Variants in ZFHX3 observed in about 807,000 individuals in gnomAD.
ZFHX3 encodes the protein zinc finger homeobox 3, also known as zinc finger homeobox protein 3.
Under a neutral mutation model 279.1 loss-of-function variants are expected in ZFHX3, and 42 were observed. The ratio of observed to expected loss-of-function variants is 0.15; its 90% CI spans 0.12 to 0.19. The LOEUF is 0.19. ZFHX3 is among the 10% of genes least tolerant of loss of function. ZFHX3 has a pLI of 1.00. For synonymous variants in ZFHX3, 2,293 were observed against 1,957.8 expected, an observed-to-expected ratio of 1.17 and a Z score of -4.52; for missense variants, 4,981 against 4,754.0, an observed-to-expected ratio of 1.05 and a Z score of -1.40.
upstream of ZFHX3, among the ~76,000 whole-genome samples, chr16:73,048,982 G>A (rs1050901073): frequency 1.3e-5 from 2 of 152,156 alleles, no homozygotes; most frequent in Admixed American, 1.3e-4. Flanking sequence ...AGCAAAGATC[G>A]TGCCCTTTCC....
chr16:73,298,039 C>A (rs1002365315), intron 4 of ZFHX3, among the ~76,000 whole-genome samples: 1 of 151,132 alleles, frequency 6.6e-6, no homozygotes, highest in African/African-American at 2.4e-5. Context: ...AAATAAATAA[C>A]AATTAGCCAG....
intron 3 of ZFHX3, among the ~76,000 whole-genome samples, chr16:72,926,256 C>G (rs1216362093): frequency 2.6e-5 from 4 of 152,140 alleles, no homozygotes; most frequent in Admixed American, 2.0e-4. Flanking sequence ...CCCATAGTAA[C>G]CAACTAAACA....
chr16:73,876,086 C>T (rs1198774905), intron 1 of ZFHX3, among the ~76,000 whole-genome samples: 1 of 152,116 alleles, frequency 6.6e-6, no homozygotes, highest in Non-Finnish European at 1.5e-5. Context: ...TTAAAAGGAG[C>T]TAAAGCCACA....
intron 2 of ZFHX3, among the ~76,000 whole-genome samples, chr16:73,674,209 T>C (rs1454760774): frequency 6.6e-6 from 1 of 151,848 alleles, no homozygotes; most frequent in African/African-American, 2.4e-5. Flanking sequence ...AAGTGTAAAA[T>C]AGACGTCACT....
At chr16:73,682,964 A>AAG (rs2053037618) in intron 1 of ZFHX3, among the ~76,000 whole-genome samples, 2 of 28,858 alleles carry the variant, frequency 6.9e-5, no homozygotes, top group East Asian at 3.2e-3. Context: ...GAAAGAAAGA[A>AAG]AGAAAGAAAG....
At chr16:72,942,474 C>T (rs2144351983) in intron 3 of ZFHX3, among the ~76,000 whole-genome samples, 1 of 152,188 alleles carries the variant, frequency 6.6e-6, no homozygotes, top group Non-Finnish European at 1.5e-5. Flanking sequence ...ATAAGAAGGT[C>T]CAGGGCTTTC....
In ZFHX3 at chr16:73,440,322, C is replaced by T. The variant is rs185151875; in HGVS notation, c.-1291+15681G>A. Among the ~76,000 whole-genome samples, 138 of 152,226 alleles carry T rather than the reference C, an allele frequency of 9.1e-4. 1 individual carries two copies. Among genetic ancestry groups the T allele is most frequent in the African/African-American group, 3.3e-3 (136 of 41,514 alleles). ...CAACATCCAGACAAACGAGTGTGTCCAAGAGGCATTTGAGTCCATGGGTGA... is the reference window on the plus strand; with the variant it reads ...CAACATCCAGACAAACGAGTGTGTCTAAGAGGCATTTGAGTCCATGGGTGA... On this transcript the variant is annotated intron_variant, in intron 3 of 17. Coordinates refer to the ZFHX3 transcript ENST00000641206.
At chr16:73,478,307 C>T (rs57990484) in intron 2 of ZFHX3, among the ~76,000 whole-genome samples, 2 of 150,282 alleles carry the variant, frequency 1.3e-5, no homozygotes, top group Non-Finnish European at 3.0e-5. Context: ...GTACTAAAAG[C>T]CATATGACAT....
At chr16:73,427,009 A>G (rs2017822044) in intron 3 of ZFHX3, among the ~76,000 whole-genome samples, 1 of 152,160 alleles carries the variant, frequency 6.6e-6, no homozygotes, top group Non-Finnish European at 1.5e-5. Flanking sequence ...TGACGATGCC[A>G]TTTTTAAAAT....
At chr16:73,783,581 A>G (rs914698210) in intron 1 of ZFHX3, among the ~76,000 whole-genome samples, 18 of 152,208 alleles carry the variant, frequency 1.2e-4, no homozygotes, top group African/African-American at 4.1e-4. Context: ...AAAGTTTCCC[A>G]TTTTATTCTA....
rs761305800 is a variant in ZFHX3, at chr16:72,797,772, T to C, written c.4910A>G (p.Asn1637Ser). The C allele has an allele frequency of 9.3e-6, 15 of 1,614,014 alleles. No individual in the cohort carries two copies. The highest frequency in any genetic ancestry group is 8.0e-5 in the African/African-American group (6 of 74,924). Residue 1637 changes from asparagine to serine, a missense_variant, in exon 9 of 10, where the codon AAT (asparagine) becomes AGT (serine). Physicochemically the swap from Asn to Ser is conservative, Grantham distance 46 (BLOSUM62 1). Around this residue, in one of 7 missense-constraint regions of ZFHX3, gnomAD observed 1,751 missense variants for 1,770.0 expected, o/e 0.99. Transcript: ENST00000268489. ...AKLEAASGSSNGTGNSSSISL... is the reference protein window; with the variant it reads ...AKLEAASGSSSGTGNSSSISL... ...AATACTGCTGCTGTTCCCAGTCCCA[T>C]TGCTGCTGCCACTTGCAGCCTCCAG...
At chr16:73,750,524 T>A (rs2053752465) in intron 1 of ZFHX3, among the ~76,000 whole-genome samples, 1 of 152,198 alleles carries the variant, frequency 6.6e-6, no homozygotes, top group African/African-American at 2.4e-5. Flanking sequence ...AATGAGGCAC[T>A]GGTTGAAAAA....
chr16:73,324,425 A>G (rs1022644534), intron 3 of ZFHX3, among the ~76,000 whole-genome samples: 1 of 152,226 alleles, frequency 6.6e-6, no homozygotes, highest in African/African-American at 2.4e-5. Context: ...GAAGGGCTGT[A>G]CTGCCCAGCT....
At position 72,797,694 on chromosome 16, in the gene ZFHX3, A is replaced by G; in HGVS notation, c.4988T>C (p.Phe1663Ser). 6.2e-7 allele frequency: 1 copy of G among 1,614,092 alleles called. No individual in the cohort carries two copies. The highest frequency in any genetic ancestry group is 8.5e-7 in the Non-Finnish European group (1 of 1,180,008). ...AGCACTGCTTGGATTGGAGGTGGTA[A>G]AGGTGTTACTGCCACTGGTGCTCAC... ...SPVSTSGSNT[F>S]TTSNPSSAGI... is the part of the protein sequence containing the mutation. Residue 1663 changes from phenylalanine (F) to serine (S), a missense_variant, in exon 9 of 10, where the codon TTT becomes TCT. Physicochemically the swap from Phe to Ser is radical, Grantham distance 155 (BLOSUM62 -2). Coordinates refer to ENST00000268489, the MANE Select transcript of ZFHX3 (RefSeq NM_006885.4).
chr16:73,068,785 G>C (rs1965788368), intron 8 of ZFHX3, among the ~76,000 whole-genome samples: 1 of 152,216 alleles, frequency 6.6e-6, no homozygotes, highest in Admixed American at 6.5e-5. Flanking sequence ...CCAAAGGCAG[G>C]CCCCTTGGGA....
intron 1 of ZFHX3, among the ~76,000 whole-genome samples, chr16:72,974,822 G>C (rs1962275922): frequency 2.0e-5 from 3 of 152,192 alleles, no homozygotes; most frequent in Non-Finnish European, 1.5e-5. Context: ...ACCCTCGAGA[G>C]ACCCCTTTGG....
Position 73,286,342 on chromosome 16 carries a change from C to T in ZFHX3, c.-1193-29206G>A, listed in dbSNP as rs1204341257. Among the ~76,000 whole-genome samples, 3 of 152,242 alleles carry T rather than the reference C, an allele frequency of 2.0e-5. No homozygotes were observed. In the East Asian group the frequency reaches 5.8e-4, roughly 29 times the overall value. The stretch of plus-strand genomic sequence containing the variant: ...AGCAAAGTAACCTTGTGAAAAGCAA[C>T]AATTCAGAACCCTATAGATTGGGCG... On this transcript the variant is annotated intron_variant, in intron 4 of 17. Transcript: ENST00000641206.
intron 1 of ZFHX3, among the ~76,000 whole-genome samples, chr16:72,976,617 T>C (rs1020981498): frequency 5.3e-5 from 8 of 152,122 alleles, no homozygotes; most frequent in South Asian, 2.1e-4. Flanking sequence ...CCGGTAGAAA[T>C]GGACTCAGCA....
intron 1 of ZFHX3, among the ~76,000 whole-genome samples, chr16:73,806,455 G>A (rs1009979209): frequency 5.3e-5 from 8 of 152,178 alleles, no homozygotes; most frequent in East Asian, 1.9e-4. Context: ...CTTTAGCTCC[G>A]CTGAATACAG....
Sources: allele counts gnomAD v4.1 joint callset (sites outside exome capture counted in the v4.1 genomes callset), GRCh38; gene constraint gnomAD v4.1.1; regional missense constraint gnomAD v4.1.1; transcripts MANE v1.5; gene names NCBI Gene and HGNC (gene_info 2026-07-23, HGNC 2026-07-21).